The following TMC1 variants were observed in gnomAD, a reference collection of about 807,000 sequenced individuals.
TMC1 encodes the protein transmembrane channel like 1, also known as transmembrane channel-like protein 1.
TMC1 carries 84 observed loss-of-function variants against 105.8 expected under a neutral mutation model. The ratio of observed to expected loss-of-function variants is 0.79; its 90% CI spans 0.67 to 0.95. TMC1 has a LOEUF of 0.95. TMC1 is among the 40% of genes least tolerant of loss of function. TMC1 has a pLI of 0.00. For missense variants in TMC1, 817 were observed against 914.1 expected, an observed-to-expected ratio of 0.89 and a Z score of 1.37; for synonymous variants, 315 against 311.5, an observed-to-expected ratio of 1.01 and a Z score of -0.12.
intron 2 of TMC1, among the ~76,000 whole-genome samples, chr9:72,602,683 G>A (rs1038577394): frequency 6.6e-6 from 1 of 152,050 alleles, no homozygotes; most frequent in Non-Finnish European, 1.5e-5. Flanking sequence ...CCCCTTATTG[G>A]TGTATTTTTA....
At chr9:72,763,983 C>G (rs533818606) in intron 12 of TMC1, among the ~76,000 whole-genome samples, 1 of 152,144 alleles carries the variant, frequency 6.6e-6, no homozygotes, top group South Asian at 2.1e-4. Context: ...CAGGAATTTT[C>G]TATATCTAAA....
chr9:72,603,341 G>A (rs915898947), intron 2 of TMC1, among the ~76,000 whole-genome samples: 1 of 151,490 alleles, frequency 6.6e-6, no homozygotes, highest in African/African-American at 2.4e-5. Context: ...ATAACCATGT[G>A]AGTATCATGT....
intron 3 of TMC1, among the ~76,000 whole-genome samples, chr9:72,619,833 AT>A (rs869110122): frequency 4.9e-5 from 7 of 144,108 alleles, no homozygotes; most frequent in African/African-American, 1.3e-4. Context: ...TAATTAATTA[AT>A]TTATTTATTT....
At chr9:72,544,203 C>T (rs1823726697) in intron 1 of TMC1, among the ~76,000 whole-genome samples, 1 of 152,084 alleles carries the variant, frequency 6.6e-6, no homozygotes, top group South Asian at 2.1e-4. Context: ...CCCGCCTCGG[C>T]CTCCCAAAGT....
intron 18 of TMC1, among the ~76,000 whole-genome samples, chr9:72,813,339 G>A (rs1828734418): frequency 6.6e-6 from 1 of 152,120 alleles, no homozygotes; most frequent in South Asian, 2.1e-4. Context: ...CTACATATGT[G>A]TAGTTTTTCT....
intron 17 of TMC1, among the ~76,000 whole-genome samples, chr9:72,796,011 C>T (rs1364163388): frequency 6.6e-6 from 1 of 151,360 alleles, no homozygotes; most frequent in Non-Finnish European, 1.5e-5. Context: ...ATTAAAATTC[C>T]CAATTTCAAA....
intron 4 of TMC1, among the ~76,000 whole-genome samples, chr9:72,641,979 G>A (rs772210954): frequency 1.3e-5 from 2 of 150,508 alleles, no homozygotes; most frequent in East Asian, 1.9e-4. Flanking sequence ...CACCACTCCC[G>A]GCTAATTTTT....
At chr9:72,776,402 ACATCTG>A (rs2118140290) in intron 13 of TMC1, among the ~76,000 whole-genome samples, 1 of 152,318 alleles carries the variant, frequency 6.6e-6, no homozygotes, top group Non-Finnish European at 1.5e-5. Flanking sequence ...ATAATAATTA[ACATCTG>A]TTGAGCATCT....
Position 72,788,326 on chromosome 9 carries a change from C to T in TMC1, c.885-13C>T. 2.5e-6 allele frequency: 4 copies of T among 1,613,942 alleles called. No individual in the cohort carries two copies. The highest frequency in any genetic ancestry group is 3.4e-6 in the Non-Finnish European group (4 of 1,179,870). ...TTTTTCTGGCTGCTGGGTTAAACTT[C>T]CTGTTTTTGCAGAATGACCAAAAAC... On this transcript the variant is annotated splice_polypyrimidine_tract_variant and intron_variant, in intron 13 of 23. Transcript: ENST00000297784.
intron 1 of TMC1, among the ~76,000 whole-genome samples, chr9:72,556,753 C>T (rs1416568932): frequency 3.3e-5 from 5 of 151,938 alleles, no homozygotes; most frequent in Middle Eastern, 6.8e-3. Flanking sequence ...ACCTGGGAGG[C>T]GGAGGTTGCA....
intron 5 of TMC1, among the ~76,000 whole-genome samples, chr9:72,669,423 T>C (rs543750820): frequency 6.6e-6 from 1 of 152,360 alleles, no homozygotes; most frequent in South Asian, 2.1e-4. Flanking sequence ...TTGGCATATT[T>C]CATTTCAGCT....
intron 4 of TMC1, among the ~76,000 whole-genome samples, chr9:72,644,484 G>A (rs1226344256): frequency 1.3e-5 from 2 of 151,994 alleles, no homozygotes; most frequent in Non-Finnish European, 2.9e-5. Flanking sequence ...GTGGAAAACT[G>A]ATTGTTCCAG....
intron 23 of TMC1, among the ~76,000 whole-genome samples, chr9:72,834,621 G>A (rs1829092867): frequency 6.6e-6 from 1 of 152,088 alleles, no homozygotes. Context: ...AACACGGGTG[G>A]GGCTCAGCTT....
At chr9:72,793,222 G>A (rs1342621999) in intron 17 of TMC1, among the ~76,000 whole-genome samples, 2 of 152,130 alleles carry the variant, frequency 1.3e-5, no homozygotes, top group Admixed American at 1.3e-4. Context: ...CAAAGCAGGA[G>A]GTTAGACCCC....
chr9:72,736,937 C>A (rs1318756478), intron 8 of TMC1, among the ~76,000 whole-genome samples: 1 of 152,176 alleles, frequency 6.6e-6, no homozygotes, highest in Non-Finnish European at 1.5e-5. Context: ...CAATATTTTA[C>A]ACATGTTAAT....
At chr9:72,683,567 C>T (rs2589620) in intron 5 of TMC1, among the ~76,000 whole-genome samples, 75,709 of 149,170 alleles carry the variant, frequency 0.51, 20,601 homozygotes, top group African/African-American at 0.72. Context: ...CTGGTCTGTC[C>T]TCCCTTTTCT....
At chr9:72,538,447 G>GTATCA (rs1564397033) in intron 1 of TMC1, among the ~76,000 whole-genome samples, 2 of 151,248 alleles carry the variant, frequency 1.3e-5, no homozygotes, top group Admixed American at 6.6e-5. Context: ...GTATTGTATC[G>GTATCA]TATTTTTGAG....
In TMC1 at chr9:72,564,002, G is replaced by A. The variant is rs116828972; in HGVS notation, c.-427-13900G>A. Among the ~76,000 whole-genome samples the A allele has an allele frequency of 4.1e-3, 617 of 151,776 alleles. 4 individuals carry two copies. Among genetic ancestry groups the A allele is most frequent in the African/African-American group, 0.014 (585 of 41,322 alleles). On this transcript the variant is annotated intron_variant, in intron 1 of 23. Transcript: ENST00000297784. ...TTTGAGATTCCAGCCTGGACATATG[G>A]CACTCTTGAATTGTTTCCTAGGCGA...
At chr9:72,531,640 C>G (rs1406500399) in intron 1 of TMC1, among the ~76,000 whole-genome samples, 1 of 152,188 alleles carries the variant, frequency 6.6e-6, no homozygotes, top group Non-Finnish European at 1.5e-5. Context: ...CCCTGTAGTT[C>G]ATAAGAGGAA....
Sources: gnomAD v4.1 joint callset for allele counts (sites outside exome capture counted in the v4.1 genomes callset) on GRCh38, gnomAD v4.1.1 for gene constraint, MANE v1.5 for transcripts, NCBI Gene and HGNC (gene_info 2026-07-23, HGNC 2026-07-21) for gene names.